Variants in ANK3 observed in about 807,000 individuals in gnomAD.
ANK3 encodes the protein ankyrin 3.
In ANK3, 57 loss-of-function variants were observed where a neutral mutation model predicts 370.9. That is an observed-to-expected ratio of 0.15 (90% CI 0.12 to 0.19). The LOEUF (loss-of-function observed/expected upper bound fraction) is 0.19. ANK3 is among the 10% of genes least tolerant of loss of function. ANK3 has a pLI of 1.00. For synonymous variants in ANK3, 1,929 were observed against 1,946.3 expected, an observed-to-expected ratio of 0.99 and a Z score of 0.23; for missense variants, 4,439 against 5,302.1, an observed-to-expected ratio of 0.84 and a Z score of 5.06.
At chr10:60,606,444 T>C (rs907839535) in intron 2 of ANK3, among the ~76,000 whole-genome samples, 21 of 152,206 alleles carry the variant, frequency 1.4e-4, no homozygotes, top group African/African-American at 4.3e-4. Flanking sequence ...AAATATTATG[T>C]TTTCATTTTA....
chr10:60,727,626 C>T (rs1000505176), intron 1 of ANK3, among the ~76,000 whole-genome samples: 3 of 152,190 alleles, frequency 2.0e-5, no homozygotes, highest in Non-Finnish European at 2.9e-5. Flanking sequence ...AAACAAGAAT[C>T]TATTATGCTT....
intron 1 of ANK3, among the ~76,000 whole-genome samples, chr10:60,727,753 T>A (rs2079962234): frequency 6.6e-6 from 1 of 152,172 alleles, no homozygotes. Flanking sequence ...AAGGATCTAC[T>A]TGGCATTTAT....
intron 2 of ANK3, among the ~76,000 whole-genome samples, chr10:60,493,569 T>G (rs2075579333): frequency 3.9e-5 from 6 of 152,062 alleles, no homozygotes; most frequent in Admixed American, 3.9e-4. Context: ...GGTAAAGAGA[T>G]TAATGAACTA....
intron 1 of ANK3, among the ~76,000 whole-genome samples, chr10:60,693,389 G>C (rs1270574196): frequency 6.6e-6 from 1 of 152,222 alleles, no homozygotes; most frequent in Non-Finnish European, 1.5e-5. Flanking sequence ...GAACTGGGTG[G>C]AGCCCACCAC....
At chr10:60,472,306 G>T (rs980896422) in intron 2 of ANK3, among the ~76,000 whole-genome samples, 1 of 152,030 alleles carries the variant, frequency 6.6e-6, no homozygotes, top group Admixed American at 6.6e-5. Flanking sequence ...CTAACTCAAG[G>T]TCAGAAAAAA....
chr10:60,358,839 AC>A (rs2058178399), intron 1 of ANK3, among the ~76,000 whole-genome samples: 1 of 150,218 alleles, frequency 6.7e-6, no homozygotes, highest in African/African-American at 2.4e-5. Flanking sequence ...TGTTTGATAA[AC>A]CTTTTTTTTT....
intron 23 of ANK3, among the ~76,000 whole-genome samples, chr10:60,157,886 AAGAGAGAGAGAG>A (rs59965251): frequency 0.015 from 2,018 of 132,804 alleles, 51 homozygotes; most frequent in African/African-American, 0.053. Flanking sequence ...GAGAGAGAAA[AAGAGAGAGAGAG>A]AGAGAGAGAG....
intron 11 of ANK3, among the ~76,000 whole-genome samples, chr10:60,205,347 A>G (rs866592225): frequency 5.3e-5 from 8 of 152,022 alleles, no homozygotes; most frequent in African/African-American, 1.9e-4. Flanking sequence ...GTTGCGGGAG[A>G]CTGTCCTGTA....
chr10:60,035,219 T>C (rs1024670037), intron 43 of ANK3, among the ~76,000 whole-genome samples: 1 of 152,172 alleles, frequency 6.6e-6, no homozygotes, highest in African/African-American at 2.4e-5. Flanking sequence ...AAATAAAAGC[T>C]TTGTGGCTCT....
chr10:60,338,613 C>T (rs2053563996), intron 1 of ANK3, among the ~76,000 whole-genome samples: 1 of 152,048 alleles, frequency 6.6e-6, no homozygotes, highest in Non-Finnish European at 1.5e-5. Flanking sequence ...ACGTTGTGTC[C>T]CCCCAGCCCT....
intron 2 of ANK3, among the ~76,000 whole-genome samples, chr10:60,511,413 C>A (rs868593633): frequency 6.6e-6 from 1 of 151,998 alleles, no homozygotes; most frequent in Non-Finnish European, 1.5e-5. Context: ...GTGAATTCTA[C>A]AAGATTAAAA....
chr10:60,375,273 C>T (rs1428028605), intron 1 of ANK3, among the ~76,000 whole-genome samples: 1 of 152,214 alleles, frequency 6.6e-6, no homozygotes, highest in East Asian at 1.9e-4. Context: ...AAGCAGTCTT[C>T]TTTGCATTGA....
At chr10:60,032,277 G>A (rs2073851258) in intron 43 of ANK3, among the ~76,000 whole-genome samples, 1 of 137,508 alleles carries the variant, frequency 7.3e-6, no homozygotes, top group Admixed American at 7.8e-5. Flanking sequence ...CATGATCACG[G>A]CTAACTGCAA....
At chr10:60,554,393 C>A (rs2077161485) in intron 2 of ANK3, among the ~76,000 whole-genome samples, 1 of 152,082 alleles carries the variant, frequency 6.6e-6, no homozygotes, top group African/African-American at 2.4e-5. Flanking sequence ...CTGCTGGGCT[C>A]CAAACTGGTG....
intron 1 of ANK3, among the ~76,000 whole-genome samples, chr10:60,367,038 T>G (rs774885095): frequency 1.4e-4 from 22 of 152,190 alleles, no homozygotes; most frequent in Non-Finnish European, 2.8e-4. Flanking sequence ...TTTCCCAACA[T>G]CGTTCTAAAG....
intron 28 of ANK3, among the ~76,000 whole-genome samples, chr10:60,089,459 T>TTTTG (rs1380366765): frequency 7.1e-6 from 1 of 141,538 alleles, no homozygotes; most frequent in Non-Finnish European, 1.5e-5. Flanking sequence ...TCCATCCAGG[T>TTTTG]TGTGTGTGTG....
chr10:60,459,481 A>T (rs1253491003), intron 2 of ANK3, among the ~76,000 whole-genome samples: 3 of 152,140 alleles, frequency 2.0e-5, no homozygotes, highest in African/African-American at 7.2e-5. Flanking sequence ...TTGTTAAATA[A>T]CGACCTCAGA....
At chr10:60,381,813 G>C (rs1313824016) in intron 1 of ANK3, among the ~76,000 whole-genome samples, 3 of 152,048 alleles carry the variant, frequency 2.0e-5, no homozygotes, top group Non-Finnish European at 4.4e-5. Context: ...GCAAACTGAG[G>C]CCCAAAGAAA....
intron 16 of ANK3, among the ~76,000 whole-genome samples, chr10:60,195,201 G>A (rs773796062): frequency 6.6e-5 from 10 of 152,032 alleles, no homozygotes; most frequent in Non-Finnish European, 1.2e-4. Context: ...TCCTGGCTAC[G>A]GTGAAACCCG....
Sources: allele counts gnomAD v4.1 joint callset (sites outside exome capture counted in the v4.1 genomes callset), GRCh38; gene constraint gnomAD v4.1.1; transcripts MANE v1.5; gene names NCBI Gene and HGNC (gene_info 2026-07-23, HGNC 2026-07-21).